Variants in AKT3 observed in about 807,000 individuals in gnomAD.
AKT3 encodes RAC-gamma serine/threonine-protein kinase.
A neutral mutation model predicts 65.3 loss-of-function variants in AKT3; 15 were observed. The ratio of observed to expected loss-of-function variants is 0.23; its 90% CI spans 0.15 to 0.35. AKT3 has a LOEUF of 0.35. Ranked by LOEUF, AKT3 falls within the 10% of genes least tolerant of loss-of-function variation. The pLI, the probability that AKT3 is intolerant of heterozygous loss-of-function variation, is 1.00. For missense variants in AKT3, 243 were observed against 576.5 expected (o/e 0.42, Z 5.92); for synonymous variants, 206 against 183.8 (o/e 1.12, Z -0.98).
intron 6 of AKT3, among the ~76,000 whole-genome samples, chr1:243,617,798 T>C (rs75253641): frequency 6.6e-6 from 1 of 152,204 alleles, no homozygotes; most frequent in African/African-American, 2.4e-5. Flanking sequence ...TGAGGATGGC[T>C]TGGACTACTA....
intron 1 of AKT3, among the ~76,000 whole-genome samples, chr1:243,844,622 G>T (rs1018785853): frequency 6.6e-5 from 10 of 152,136 alleles, no homozygotes; most frequent in African/African-American, 2.4e-4. Flanking sequence ...CTACAGGCAG[G>T]CATCACCATG....
chr1:243,839,235 T>C (rs1037161313), intron 2 of AKT3, among the ~76,000 whole-genome samples: 20 of 152,202 alleles, frequency 1.3e-4, no homozygotes, highest in African/African-American at 4.8e-4. Context: ...AGTACCTTCA[T>C]AGCAAATATT....
intron 13 of AKT3, among the ~76,000 whole-genome samples, chr1:243,493,476 T>G (rs919711306): frequency 1.3e-5 from 2 of 152,192 alleles, no homozygotes; most frequent in African/African-American, 2.4e-5. Flanking sequence ...TTTCTGTGTC[T>G]GCTTTCTTAT....
chr1:243,629,941 T>G (rs1679479970), intron 6 of AKT3, among the ~76,000 whole-genome samples: 1 of 152,252 alleles, frequency 6.6e-6, no homozygotes, highest in South Asian at 2.1e-4. Flanking sequence ...AGACTGCAGA[T>G]GACTATGGCA....
chr1:243,560,565 C>A (rs1033500517), intron 10 of AKT3, among the ~76,000 whole-genome samples: 2 of 151,976 alleles, frequency 1.3e-5, no homozygotes, highest in African/African-American at 4.8e-5. Context: ...AACATGGTGT[C>A]CAGATTTGAA....
chr1:243,672,891 G>A (rs1572146487), intron 3 of AKT3, among the ~76,000 whole-genome samples: 1 of 152,220 alleles, frequency 6.6e-6, no homozygotes, highest in East Asian at 1.9e-4. Context: ...AACTGTTCTT[G>A]GCATACTTTC....
At chr1:243,637,766 A>C in intron 5 of AKT3, 24 bp from the exon 6 acceptor site, 1 of 1,460,772 alleles carries the variant, frequency 6.8e-7, no homozygotes, top group Non-Finnish European at 9.4e-7. Flanking sequence ...ATTAAAAAAT[A>C]TAATATGAAG....
At chr1:243,506,104 T>C (rs971679805) in intron 13 of AKT3, among the ~76,000 whole-genome samples, 7 of 152,256 alleles carry the variant, frequency 4.6e-5, no homozygotes, top group Admixed American at 1.3e-4. Context: ...CTTCCTGGTA[T>C]GTGGCCACGT....
intron 3 of AKT3, among the ~76,000 whole-genome samples, chr1:243,670,190 T>A (rs1456783040): frequency 6.6e-6 from 1 of 152,198 alleles, no homozygotes; most frequent in Non-Finnish European, 1.5e-5. Context: ...AAACCTATAT[T>A]TTTTAGGTCT....
intron 12 of AKT3, among the ~76,000 whole-genome samples, chr1:243,531,469 C>A (rs543388972): frequency 1.3e-5 from 2 of 152,080 alleles, no homozygotes; most frequent in Non-Finnish European, 2.9e-5. Context: ...CATTTGCATG[C>A]AAGTTTTTAT....
intron 6 of AKT3, among the ~76,000 whole-genome samples, chr1:243,637,384 AT>A (rs1008463996): frequency 1.3e-5 from 2 of 152,106 alleles, no homozygotes; most frequent in Non-Finnish European, 2.9e-5. Context: ...AAACATTTCT[AT>A]TTCCTTAAGA....
intron 3 of AKT3, chr1:243,687,650 A>G (rs565944711): frequency 1.1e-4 from 16 of 152,256 alleles, no homozygotes; most frequent in African/African-American, 3.6e-4. Flanking sequence ...GTACAACGTA[A>G]GGAAAAAGTA....
intron 6 of AKT3, among the ~76,000 whole-genome samples, chr1:243,637,052 G>C (rs879851337): frequency 2.0e-5 from 3 of 151,992 alleles, no homozygotes; most frequent in Non-Finnish European, 2.9e-5. Flanking sequence ...GAGGGAATTG[G>C]GATTTTGTTC....
At chr1:243,622,845 C>G (rs771991997) in intron 6 of AKT3, among the ~76,000 whole-genome samples, 1 of 152,114 alleles carries the variant, frequency 6.6e-6, no homozygotes, top group African/African-American at 2.4e-5. Context: ...TGGCTGATCA[C>G]GTTAAGAGAT....
intron 10 of AKT3, among the ~76,000 whole-genome samples, chr1:243,559,534 T>C (rs1673627431): frequency 6.6e-6 from 1 of 152,192 alleles, no homozygotes; most frequent in African/African-American, 2.4e-5. Flanking sequence ...CACTTAAAAC[T>C]CAAGTTTATT....
chr1:243,769,737 C>G (rs9428972), intron 2 of AKT3, among the ~76,000 whole-genome samples: 71 of 152,222 alleles, frequency 4.7e-4, no homozygotes, highest in South Asian at 1.9e-3. Context: ...ATACTCTATT[C>G]TTTTCACTTT....
chr1:243,603,827 C>T (rs1275804643), intron 8 of AKT3, among the ~76,000 whole-genome samples: 1 of 151,994 alleles, frequency 6.6e-6, no homozygotes, highest in African/African-American at 2.4e-5. Context: ...TTCATTAAAT[C>T]CTGGTGATTC....
At chr1:243,531,197 C>A (rs1314280907) in intron 12 of AKT3, among the ~76,000 whole-genome samples, 1 of 152,058 alleles carries the variant, frequency 6.6e-6, no homozygotes, top group African/African-American at 2.4e-5. Context: ...CTCAAATGAT[C>A]CTCCCACCTC....
chr1:243,734,465 C>T (rs1687733835), intron 2 of AKT3, among the ~76,000 whole-genome samples: 1 of 152,044 alleles, frequency 6.6e-6, no homozygotes, highest in South Asian at 2.1e-4. Flanking sequence ...TGTTACTGTA[C>T]TGAATACGCA....
Sources: gnomAD v4.1 joint callset for allele counts (sites outside exome capture counted in the v4.1 genomes callset) on GRCh38, gnomAD v4.1.1 for gene constraint, MANE v1.5 for transcripts, NCBI Gene and HGNC (gene_info 2026-07-23, HGNC 2026-07-21) for gene names.